SCN11A: variants seen among roughly 807,000 people sequenced by gnomAD.
SCN11A encodes sodium channel protein type 11 subunit alpha.
A neutral mutation model predicts 162.2 loss-of-function variants in SCN11A; 122 were observed. The ratio of observed to expected loss-of-function variants is 0.75; its 90% confidence interval spans 0.65 to 0.87. The LOEUF is 0.87. Ranked by LOEUF, SCN11A falls within the 40% of genes least tolerant of loss-of-function variation. SCN11A has a pLI of 0.00. For synonymous variants in SCN11A, 758 were observed against 751.5 expected (o/e 1.01, Z -0.14); for missense variants, 2,015 against 2,181.6 (o/e 0.92, Z 1.52).
At chr3:38,987,625 A>C (rs572560944) in intron 2 of SCN11A, among the ~76,000 whole-genome samples, 2 of 152,292 alleles carry the variant, frequency 1.3e-5, no homozygotes, top group East Asian at 3.9e-4. Context: ...GTCTAACTTC[A>C]TCCCTGAGGC....
chr3:38,907,308 A>ATGTGTGTGTGTGTGTG lies in SCN11A; in HGVS notation c.1473+640_1473+641insCACACACACACACACA, dbSNP rs1395920809. 2.7e-4 allele frequency among the ~76,000 whole-genome samples: 9 copies of ATGTGTGTGTGTGTGTG among 33,920 alleles called. No individual in the cohort carries two copies. The East Asian group carries it at 7.2e-3, about 27-fold the overall frequency. The allele number at this position is 33,920 out of a possible 152,430, so 22.3% of individuals were successfully genotyped here. ...AAAGTTGGTATATATATACCAACAT[A>ATGTGTGTGTGTGTGTG]TATGTGTGTGTGTGTGTGTGTGTGT... is the stretch of plus-strand genomic sequence containing the variant. On this transcript the variant is annotated intron_variant, in intron 14 of 29. Coordinates refer to ENST00000302328, the MANE Select transcript of SCN11A (RefSeq NM_001349253.2).
At chr3:38,938,765 T>G (rs1031317567) in intron 7 of SCN11A, among the ~76,000 whole-genome samples, 1 of 151,070 alleles carries the variant, frequency 6.6e-6, no homozygotes, top group African/African-American at 2.4e-5. Context: ...GGTTTCTCCA[T>G]GTTGGTCAGG....
At chr3:39,023,644 TTTC>T (rs1575362962) in intron 2 of SCN11A, among the ~76,000 whole-genome samples, 2 of 147,968 alleles carry the variant, frequency 1.4e-5, no homozygotes, top group Middle Eastern at 3.5e-3. Flanking sequence ...GATCCCCAAC[TTTC>T]TTTTTTTTTT....
chr3:38,905,460 CA>C, intron 14 of SCN11A, 139 bp from the exon 15 acceptor site: 1 of 869,504 alleles, frequency 1.2e-6, no homozygotes, highest in South Asian at 2.2e-5. Flanking sequence ...GTCTTTACAG[CA>C]TGCCAAATAT....
intron 2 of SCN11A, among the ~76,000 whole-genome samples, chr3:39,024,669 T>G (rs1359627093): frequency 2.0e-5 from 3 of 152,230 alleles, no homozygotes; most frequent in Non-Finnish European, 4.4e-5. Context: ...AAAAGTTATC[T>G]GATCTTCCTT....
At chr3:38,850,815 G>C in intron 28 of SCN11A, 64 bp from the exon 29 acceptor site, 1 of 1,323,556 alleles carries the variant, frequency 7.6e-7, no homozygotes, top group Non-Finnish European at 1.0e-6. Context: ...ACAATAAAAA[G>C]AACATAAATA....
intron 1 of SCN11A, among the ~76,000 whole-genome samples, chr3:39,037,433 C>T (rs770554259): frequency 1.3e-5 from 2 of 152,034 alleles, no homozygotes; most frequent in Non-Finnish European, 2.9e-5. Flanking sequence ...AAGGTGACTA[C>T]AGTCATTTAT....
chr3:38,856,936 T>TTGAATCAAATCAAATCAAATAAACCA (rs1465856340), intron 28 of SCN11A, among the ~76,000 whole-genome samples: 1 of 152,072 alleles, frequency 6.6e-6, no homozygotes, highest in Non-Finnish European at 1.5e-5. Context: ...ATAATCAAAT[T>TTGAATCAAATCAAATCAAATAAACCA]AGGCTAAAAT....
chr3:38,939,472 A>C (rs2066407170), intron 7 of SCN11A, among the ~76,000 whole-genome samples: 1 of 152,234 alleles, frequency 6.6e-6, no homozygotes, highest in Admixed American at 6.5e-5. Context: ...ATGAAAAATG[A>C]AAAAGCTATT....
At chr3:38,861,939 A>G (rs1374321371) in intron 28 of SCN11A, among the ~76,000 whole-genome samples, 1 of 152,212 alleles carries the variant, frequency 6.6e-6, no homozygotes, top group Non-Finnish European at 1.5e-5. Context: ...AATAATCAGC[A>G]GAGTAAAGAG....
chr3:38,888,160 G>A (rs1275056931), intron 19 of SCN11A, among the ~76,000 whole-genome samples: 1 of 152,210 alleles, frequency 6.6e-6, no homozygotes, highest in East Asian at 1.9e-4. Flanking sequence ...AAATGTCGCA[G>A]CAAACGCTTA....
At chr3:38,992,703 C>T (rs1029836679) in intron 2 of SCN11A, among the ~76,000 whole-genome samples, 1 of 152,180 alleles carries the variant, frequency 6.6e-6, no homozygotes, top group South Asian at 2.1e-4. Context: ...CAGCAACCCC[C>T]GGAAGGTGGC....
intron 2 of SCN11A, among the ~76,000 whole-genome samples, chr3:38,995,212 C>T (rs1003777836): frequency 5.3e-5 from 8 of 151,900 alleles, no homozygotes; most frequent in African/African-American, 1.9e-4. Flanking sequence ...CTCACTCCTC[C>T]CGGGTTCACG....
chr3:38,882,950 C>T (rs2065333507), intron 22 of SCN11A, among the ~76,000 whole-genome samples: 1 of 152,064 alleles, frequency 6.6e-6, no homozygotes, highest in African/African-American at 2.4e-5. Context: ...AGAAATCCCC[C>T]AAAAATGAGA....
chr3:39,025,130 C>T (rs1334965431), intron 2 of SCN11A, among the ~76,000 whole-genome samples: 1 of 152,082 alleles, frequency 6.6e-6, no homozygotes, highest in Non-Finnish European at 1.5e-5. Context: ...AAGAGCCCCC[C>T]TTAACCCCTG....
In SCN11A at chr3:39,023,354, T is replaced by C. The variant is rs550036930; in HGVS notation, c.-280+9026A>G. ...ATATACAGCCTATATTGAGAACTGC[T>C]ATTCATACCCTTACTTATTTTTTGT... On this transcript the variant is annotated intron_variant, in intron 2 of 29. Coordinates refer to ENST00000302328, the MANE Select transcript of SCN11A (RefSeq NM_001349253.2). 1.0e-3 allele frequency among the ~76,000 whole-genome samples: 158 copies of C among 152,352 alleles called. 1 individual carries two copies. The highest frequency in any genetic ancestry group is 9.6e-4 in the Non-Finnish European group (65 of 68,032).
chr3:38,965,788 T>C (rs1311815028), intron 2 of SCN11A, among the ~76,000 whole-genome samples: 1 of 152,140 alleles, frequency 6.6e-6, no homozygotes, highest in East Asian at 1.9e-4. Flanking sequence ...CAGCTTGTGT[T>C]CCAAAGAAAG....
In SCN11A at chr3:38,950,277, T is replaced by C; in HGVS notation, c.86A>G (p.Lys29Arg). 2 of 1,614,030 alleles carry C rather than the reference T, an allele frequency of 1.2e-6. No homozygotes were observed. The highest frequency in any genetic ancestry group is 1.7e-6 in the Non-Finnish European group (2 of 1,179,966). ...FTSDSLAAIE[K>R]RIAIQKEKKK... The stretch of plus-strand genomic sequence containing the variant: ...TTTCTCCTTTTGGATGGCAATCCGC[T>C]TCTCAATTGCAGCCAGAGAGTCGGA... The change falls in exon 5 of 30, where the codon AAG (lysine) becomes AGG (arginine). Residue 29 changes from lysine (K) to arginine (R), a missense_variant. By Grantham distance (26) the Lys-to-Arg change is conservative. Coordinates refer to ENST00000302328, the MANE Select transcript of SCN11A (RefSeq NM_001349253.2).
At chr3:38,918,465 G>T (rs2065995035) in intron 11 of SCN11A, among the ~76,000 whole-genome samples, 1 of 152,174 alleles carries the variant, frequency 6.6e-6, no homozygotes, top group African/African-American at 2.4e-5. Context: ...AAGGGATCTA[G>T]GTTGCACGCT....
Sources: allele counts gnomAD v4.1 joint callset (sites outside exome capture counted in the v4.1 genomes callset), GRCh38; gene constraint gnomAD v4.1.1; transcripts MANE v1.5; gene names NCBI Gene and HGNC (gene_info 2026-07-23, HGNC 2026-07-21).